The following ZFAND3 variants were observed in gnomAD, a reference collection of about 807,000 sequenced individuals.
ZFAND3 encodes the protein zinc finger AN1-type containing 3.
In ZFAND3, 10 loss-of-function variants were observed where a neutral mutation model predicts 29.6. That is an observed-to-expected ratio of 0.34 (90% confidence interval 0.21 to 0.57). The LOEUF (loss-of-function observed/expected upper bound fraction) is 0.57. ZFAND3 is among the 20% of genes least tolerant of loss of function. The pLI is 0.86. For synonymous variants in ZFAND3, 128 were observed against 112.6 expected, an observed-to-expected ratio of 1.14 and a Z score of -0.87; for missense variants, 230 against 304.5, an observed-to-expected ratio of 0.76 and a Z score of 1.82.
At chr6:37,923,248 G>T (rs1761417522) in intron 1 of ZFAND3, among the ~76,000 whole-genome samples, 1 of 152,166 alleles carries the variant, frequency 6.6e-6, no homozygotes, top group Non-Finnish European at 1.5e-5. Context: ...CACCAGGCCT[G>T]GCACCTTTAT....
intron 2 of ZFAND3, among the ~76,000 whole-genome samples, chr6:38,034,665 A>G (rs1763625066): frequency 6.6e-6 from 1 of 152,178 alleles, no homozygotes. Context: ...TTCTTTGTCA[A>G]AAGCTGATAA....
At chr6:38,096,966 C>A (rs192683819) in intron 4 of ZFAND3, among the ~76,000 whole-genome samples, 6 of 152,190 alleles carry the variant, frequency 3.9e-5, no homozygotes, top group Non-Finnish European at 7.4e-5. Flanking sequence ...ACCTTGAGAC[C>A]GGGTTTTCTG....
chr6:38,128,204 A>T (rs1455477106), intron 5 of ZFAND3, among the ~76,000 whole-genome samples: 3 of 152,226 alleles, frequency 2.0e-5, no homozygotes, highest in African/African-American at 4.8e-5. Flanking sequence ...AAGTTTTACT[A>T]AAGTTATGTC....
intron 2 of ZFAND3, among the ~76,000 whole-genome samples, chr6:37,933,922 T>C (rs556051628): frequency 4.2e-4 from 58 of 138,450 alleles, no homozygotes; most frequent in Admixed American, 1.0e-3. Context: ...AGTTTCGCCC[T>C]TGTTGCCCAG....
chr6:37,862,798 A>G (rs1370764711), intron 1 of ZFAND3, among the ~76,000 whole-genome samples: 1 of 151,954 alleles, frequency 6.6e-6, no homozygotes, highest in East Asian at 1.9e-4. Flanking sequence ...CCACGTATTC[A>G]TGTCAGTTCA....
chr6:38,100,775 T>C (rs1474471159), intron 4 of ZFAND3, among the ~76,000 whole-genome samples: 2 of 152,246 alleles, frequency 1.3e-5, no homozygotes, highest in African/African-American at 4.8e-5. Flanking sequence ...GTTATAAGAA[T>C]GTTTCCTAAA....
chr6:38,050,255 A>T (rs538329417), intron 2 of ZFAND3, among the ~76,000 whole-genome samples: 5 of 152,008 alleles, frequency 3.3e-5, no homozygotes, highest in Admixed American at 1.3e-4. Context: ...GTGCCTGGCC[A>T]AGAAGGCAAT....
At chr6:37,997,732 A>T (rs1039226045) in intron 2 of ZFAND3, among the ~76,000 whole-genome samples, 3 of 152,256 alleles carry the variant, frequency 2.0e-5, no homozygotes. Flanking sequence ...ATCCTAGTGT[A>T]TACAGTGCCT....
chr6:38,127,137 A>G (rs533515751), intron 5 of ZFAND3, among the ~76,000 whole-genome samples: 13 of 152,270 alleles, frequency 8.5e-5, no homozygotes, highest in South Asian at 6.2e-4. Flanking sequence ...TGTTGAATAG[A>G]AGTGGAGTCA....
intron 2 of ZFAND3, among the ~76,000 whole-genome samples, chr6:38,048,308 A>G (rs922747174): frequency 2.0e-5 from 3 of 151,582 alleles, no homozygotes; most frequent in African/African-American, 4.8e-5. Flanking sequence ...CGGCCCCAAC[A>G]TTTTTTTATT....
At chr6:37,887,209 A>G (rs775422739) in intron 1 of ZFAND3, among the ~76,000 whole-genome samples, 1 of 152,218 alleles carries the variant, frequency 6.6e-6, no homozygotes, top group Non-Finnish European at 1.5e-5. Flanking sequence ...CTTGGATTTG[A>G]AAGCAGTGAA....
At position 37,989,998 on chromosome 6, in the gene ZFAND3, T is replaced by G. The variant is rs542989142; in HGVS notation, c.112+59999T>G. Among the ~76,000 whole-genome samples, 21 of 152,292 alleles carry G rather than the reference T, an allele frequency of 1.4e-4. No homozygotes were observed. The South Asian group carries it at 3.9e-3, about 29-fold the overall frequency. ...GGAGACGAGCCTTGTCTCATGCTTCTTATATTTATCCTCTGGGAGGATTTC... is the reference window on the plus strand; with the variant it reads ...GGAGACGAGCCTTGTCTCATGCTTCGTATATTTATCCTCTGGGAGGATTTC... On this transcript the variant is annotated intron_variant, in intron 2 of 5. Transcript: ENST00000287218.
chr6:38,125,564 G>A (rs528988469), intron 5 of ZFAND3, among the ~76,000 whole-genome samples: 38 of 152,314 alleles, frequency 2.5e-4, no homozygotes, highest in South Asian at 1.7e-3. Flanking sequence ...AGGTATGGCA[G>A]AAGACCCTTA....
rs188703825 is a variant in ZFAND3, at chr6:38,088,926, A to C, written c.361+6469A>C. Among the ~76,000 whole-genome samples the C allele has an allele frequency of 4.2e-4, 64 of 152,294 alleles. 1 individual carries two copies. Among genetic ancestry groups the C allele is most frequent in the Non-Finnish European group, 7.9e-4 (54 of 68,006 alleles). ...CAAGGCAGTTTTTCCAGAAAGTGTCATCTTTTTACCCTATAAGAAGCATGT... is the reference window on the plus strand; with the variant it reads ...CAAGGCAGTTTTTCCAGAAAGTGTCCTCTTTTTACCCTATAAGAAGCATGT... On this transcript the variant is annotated intron_variant, in intron 4 of 5. Transcript: ENST00000287218.
intron 2 of ZFAND3, among the ~76,000 whole-genome samples, chr6:37,933,949 G>A (rs1429603279): frequency 8.8e-5 from 13 of 148,064 alleles, no homozygotes; most frequent in African/African-American, 3.2e-4. Context: ...GTGCAGTGGC[G>A]CGATCTCTGC....
chr6:37,977,409 C>G (rs1762498934), intron 2 of ZFAND3, among the ~76,000 whole-genome samples: 2 of 152,170 alleles, frequency 1.3e-5, no homozygotes, highest in Admixed American at 6.5e-5. Flanking sequence ...TCAAGTGATT[C>G]TCGTGCGTTA....
At chr6:38,053,300 T>TA (rs1432423647) in intron 2 of ZFAND3, among the ~76,000 whole-genome samples, 1 of 84,244 alleles carries the variant, frequency 1.2e-5, no homozygotes, top group African/African-American at 3.8e-5. Flanking sequence ...TTTGTTTTCT[T>TA]ACAATTTTTT....
intron 1 of ZFAND3, among the ~76,000 whole-genome samples, chr6:37,865,704 C>G (rs116815343): frequency 3.3e-5 from 5 of 152,046 alleles, no homozygotes; most frequent in African/African-American, 1.2e-4. Context: ...ACTCAGGACA[C>G]GAAGGACAGT....
At chr6:37,986,889 G>T (rs1762680491) in intron 2 of ZFAND3, among the ~76,000 whole-genome samples, 1 of 151,426 alleles carries the variant, frequency 6.6e-6, no homozygotes, top group African/African-American at 2.4e-5. Context: ...CTATGTCAGT[G>T]GAAAAAAAAA....
Sources: allele counts gnomAD v4.1 joint callset (sites outside exome capture counted in the v4.1 genomes callset), GRCh38; gene constraint gnomAD v4.1.1; transcripts MANE v1.5; gene names NCBI Gene and HGNC (gene_info 2026-07-23, HGNC 2026-07-21).